Variants in TMIE observed in about 807,000 individuals in gnomAD.
The protein encoded by TMIE is transmembrane inner ear.
In TMIE, 14 loss-of-function variants were observed where a neutral mutation model predicts 16.8. The ratio of observed to expected loss-of-function variants is 0.83; its 90% CI spans 0.55 to 1.30. The LOEUF (loss-of-function observed/expected upper bound fraction) is 1.30. TMIE is among the 50% of genes most tolerant of loss of function. The pLI is 0.00. For synonymous variants in TMIE, 75 were observed against 87.2 expected, an observed-to-expected ratio of 0.86 and a Z score of 0.78; for missense variants, 204 against 205.9, an observed-to-expected ratio of 0.99 and a Z score of 0.06.
At chr3:46,703,764 C>T (rs747412108) in intron 1 of TMIE, among the ~76,000 whole-genome samples, 6 of 152,164 alleles carry the variant, frequency 3.9e-5, no homozygotes, top group Non-Finnish European at 8.8e-5. Context: ...TGAAGGGTGG[C>T]ATTCACTAGA....
At chr3:46,696,362 T>G (rs1345732468) in intron 1 of TMIE, among the ~76,000 whole-genome samples, 1 of 152,246 alleles carries the variant, frequency 6.6e-6, no homozygotes, top group Non-Finnish European at 1.5e-5. Flanking sequence ...GCATGCAGAA[T>G]GCACATGCAC....
intron 1 of TMIE, among the ~76,000 whole-genome samples, chr3:46,704,843 G>A (rs191292334): frequency 0.01 from 1,528 of 150,986 alleles, 19 homozygotes; most frequent in African/African-American, 0.035. Flanking sequence ...ATGTCCCCTA[G>A]ACACCCAGGG....
At chr3:46,707,040 C>A (rs1341974905) in intron 2 of TMIE, among the ~76,000 whole-genome samples, 5 of 152,242 alleles carry the variant, frequency 3.3e-5, no homozygotes, top group Admixed American at 1.3e-4. Flanking sequence ...TGCAGAAAAT[C>A]CCCGCCCCCC....
chr3:46,697,927 C>CA (rs1330219454), upstream of TMIE, among the ~76,000 whole-genome samples: 1 of 152,076 alleles, frequency 6.6e-6, no homozygotes, highest in Admixed American at 6.6e-5. Flanking sequence ...AGAGAGTTTT[C>CA]AAAACTACTT....
intron 1 of TMIE, 113 bp from the exon 2 acceptor site, chr3:46,705,677 C>A: frequency 1.1e-6 from 1 of 888,146 alleles, no homozygotes; most frequent in Non-Finnish European, 1.9e-6. Context: ...AGAGTTGATT[C>A]TAGGAGATTC....
In TMIE at chr3:46,710,539, C is replaced by G. The variant is rs1459747238; in HGVS notation, c.*851C>G. 2.0e-5 allele frequency: 3 copies of G among 152,272 alleles called. No homozygotes were observed. Among genetic ancestry groups the G allele is most frequent in the African/African-American group, 7.2e-5 (3 of 41,430 alleles). 9.4% of individuals were successfully genotyped at this position (152,272 alleles called of 1,614,324 possible). On this transcript the variant is annotated 3_prime_UTR_variant, in exon 4 of 4. Coordinates refer to ENST00000643606, the MANE Select transcript of TMIE (RefSeq NM_147196.3). ...GGGGACCTCGGGCTGTTCTGGTGGCCCCTTCTATGCCCAGCTGTGCTGGGA... is the reference window on the plus strand; with the variant it reads ...GGGGACCTCGGGCTGTTCTGGTGGCGCCTTCTATGCCCAGCTGTGCTGGGA...
intron 2 of TMIE, among the ~76,000 whole-genome samples, 170 bp downstream of exon 2, chr3:46,706,077 G>C (rs371338103): frequency 2.1e-3 from 316 of 152,374 alleles, no homozygotes; most frequent in African/African-American, 6.9e-3. Context: ...TCCCCGTGGA[G>C]GGCTGACAGG....
rs1057488352 is a variant in TMIE at position 46,701,565 on chromosome 3, C to G, written c.78C>G (p.Ala26=). 4.6e-5 allele frequency: 59 copies of G among 1,282,374 alleles called. No homozygotes were observed. Among genetic ancestry groups the G allele is most frequent in the Non-Finnish European group, 5.7e-5 (58 of 1,017,334 alleles). 79.4% of individuals were successfully genotyped at this position (1,282,374 alleles called of 1,614,324 possible). A position where few individuals can be genotyped will look rare whatever the true frequency, so the allele number is the denominator to read the frequency against. Residue 26 remains alanine, a synonymous_variant, in exon 1 of 4, where the codon GCC becomes GCG. Coordinates refer to ENST00000643606, the MANE Select transcript of TMIE (RefSeq NM_147196.3). The surrounding 1 kb of genome is among the most constrained non-coding windows in gnomAD (Gnocchi z 4.3). The part of the protein sequence containing the change: ...AALGVCLAGV[A]GQLVEPSTAP... ...TCGGGGTGTGCCTCGCGGGGGTTGCCGGGCAGCTGGTGGAGGTGAGGCCGC... is the reference window on the plus strand; with the variant it reads ...TCGGGGTGTGCCTCGCGGGGGTTGCGGGGCAGCTGGTGGAGGTGAGGCCGC...
chr3:46,695,412 G>A (rs528242820), intron 1 of TMIE, among the ~76,000 whole-genome samples: 9 of 152,178 alleles, frequency 5.9e-5, no homozygotes, highest in Admixed American at 3.9e-4. Flanking sequence ...TCTTACCTGC[G>A]CCTCCTTCTC....
rs1429870855 is a variant in TMIE at position 46,709,987 on chromosome 3, G to T, written c.*299G>T. ...TACACTGCTCTCCCCACCCAGACCTGCCTGTCTCCCACCCTTTCTGCCAGG... is the reference window on the plus strand; with the variant it reads ...TACACTGCTCTCCCCACCCAGACCTTCCTGTCTCCCACCCTTTCTGCCAGG... On this transcript the variant is annotated 3_prime_UTR_variant, in exon 4 of 4. Transcript: ENST00000643606. The T allele has an allele frequency of 1.1e-5, 5 of 461,912 alleles. No homozygotes were observed. The highest frequency in any genetic ancestry group is 2.0e-5 in the Non-Finnish European group (5 of 250,780). 28.6% of individuals were successfully genotyped at this position (461,912 alleles called of 1,614,324 possible).
At chr3:46,703,316 C>T (rs1700500985) in intron 1 of TMIE, among the ~76,000 whole-genome samples, 2 of 152,132 alleles carry the variant, frequency 1.3e-5, no homozygotes, top group Non-Finnish European at 2.9e-5. Flanking sequence ...TAAGAGTAGG[C>T]CCAGCTCCAC....
chr3:46,709,977 A>G lies in TMIE; in HGVS notation c.*289A>G. 2.1e-6 allele frequency: 1 copy of G among 478,180 alleles called. No individual in the cohort carries two copies. The highest frequency in any genetic ancestry group is 3.8e-6 in the Non-Finnish European group (1 of 262,378). 29.6% of individuals were successfully genotyped at this position (478,180 alleles called of 1,614,324 possible). A position where few individuals can be genotyped will look rare whatever the true frequency, so the allele number is the denominator to read the frequency against. Reference sequence around the variant, plus strand: ...CCTCTGCAGATACACTGCTCTCCCCACCCAGACCTGCCTGTCTCCCACCCT... The same window carrying G: ...CCTCTGCAGATACACTGCTCTCCCCGCCCAGACCTGCCTGTCTCCCACCCT... On this transcript the variant is annotated 3_prime_UTR_variant, in exon 4 of 4. Transcript: ENST00000643606.
At position 46,710,276 on chromosome 3, in the gene TMIE, A is replaced by C. The variant is rs1575470967; in HGVS notation, c.*588A>C. ...AAGTAGAGGTGGCTTCAGAAATGGA[A>C]CCCCCAGCCCAGCAGACATCAAGCT... On this transcript the variant is annotated 3_prime_UTR_variant, in exon 4 of 4. Coordinates refer to ENST00000643606, the MANE Select transcript of TMIE (RefSeq NM_147196.3). 3 of 171,054 alleles carry C rather than the reference A, an allele frequency of 1.8e-5. No homozygotes were observed. Among genetic ancestry groups the C allele is most frequent in the Non-Finnish European group, 2.5e-5 (2 of 78,770 alleles). 10.6% of individuals were successfully genotyped at this position (171,054 alleles called of 1,614,324 possible).
chr3:46,704,366 C>A, intron 1 of TMIE, among the ~76,000 whole-genome samples: 1 of 143,370 alleles, frequency 7.0e-6, no homozygotes, highest in East Asian at 2.1e-4. Context: ...CCAAGGTGGA[C>A]CATGTCCCTA....
intron 1 of TMIE, chr3:46,694,625 A>T (rs1012950945): frequency 6.6e-6 from 1 of 152,332 alleles, no homozygotes; most frequent in Non-Finnish European, 1.5e-5. Context: ...GGAGGTAAGT[A>T]GGGGCCTGGG....
At chr3:46,698,747 A>C (rs7429153), upstream of TMIE, among the ~76,000 whole-genome samples, 30 of 152,174 alleles carry the variant, frequency 2.0e-4, no homozygotes, top group African/African-American at 7.2e-4. Flanking sequence ...TTTACCAAAA[A>C]ATTTTTTGGA....
intron 3 of TMIE, 24 bp downstream of exon 3, chr3:46,709,299 C>T (rs1173391050): frequency 6.2e-7 from 1 of 1,613,498 alleles, no homozygotes; most frequent in East Asian, 2.2e-5. Context: ...GGCTTGAGCC[C>T]TGCTGCGCCA....
At chr3:46,699,874 A>C (rs562381700), upstream of TMIE, among the ~76,000 whole-genome samples, 1 of 152,170 alleles carries the variant, frequency 6.6e-6, no homozygotes, top group Non-Finnish European at 1.5e-5. Context: ...CCTCACATCA[A>C]TCATGGGAGT....
chr3:46,697,966 G>T (rs958838507), upstream of TMIE, among the ~76,000 whole-genome samples: 37 of 152,120 alleles, frequency 2.4e-4, no homozygotes, highest in Admixed American at 1.3e-3. Context: ...CCTTAACGTG[G>T]TGTTTAATAC....
Sources: allele counts gnomAD v4.1 joint callset (sites outside exome capture counted in the v4.1 genomes callset), GRCh38; gene constraint gnomAD v4.1.1; non-coding constraint Gnocchi (gnomAD v3.1); transcripts MANE v1.5; gene names NCBI Gene and HGNC (gene_info 2026-07-23, HGNC 2026-07-21).